Variants in SLC24A2 observed in about 807,000 individuals in gnomAD.
The protein encoded by SLC24A2 is sodium/potassium/calcium exchanger 2.
A neutral mutation model predicts 62.0 loss-of-function variants in SLC24A2; 36 were observed. The observed-to-expected ratio is 0.58, with a 90% CI of 0.44 to 0.77. The LOEUF (loss-of-function observed/expected upper bound fraction) is 0.77. Ranked by LOEUF, SLC24A2 falls within the 30% of genes least tolerant of loss-of-function variation. The pLI is 0.00. For missense variants in SLC24A2, 846 were observed against 817.9 expected (o/e 1.03, Z -0.42); for synonymous variants, 358 against 294.0 (o/e 1.22, Z -2.23).
chr9:19,823,157 T>C, the SLC24A2 span, among the ~76,000 whole-genome samples: 1 of 152,314 alleles, frequency 6.6e-6, no homozygotes, highest in East Asian at 1.9e-4. Context: ...TGGGCTATCT[T>C]AGCAGAACAC....
chr9:19,530,528 C>G (rs974423153), intron 8 of SLC24A2, among the ~76,000 whole-genome samples: 4 of 152,160 alleles, frequency 2.6e-5, no homozygotes, highest in African/African-American at 9.7e-5. Flanking sequence ...GATAACTTCA[C>G]AAGTCAGAAT....
chr9:19,921,231 A>G, the SLC24A2 span, among the ~76,000 whole-genome samples: 8 of 152,202 alleles, frequency 5.3e-5, no homozygotes, highest in Admixed American at 1.3e-4. Flanking sequence ...CTAAGAATTT[A>G]GAACTTACAT....
chr9:19,636,279 T>TTCTTCTCTTC (rs1486700882), intron 2 of SLC24A2, among the ~76,000 whole-genome samples: 5 of 54,908 alleles, frequency 9.1e-5, no homozygotes, highest in Non-Finnish European at 1.4e-4. Flanking sequence ...TCTTCTTCTC[T>TTCTTCTCTTC]TCTTCTCTTC....
chr9:19,989,698 A>C, the SLC24A2 span, among the ~76,000 whole-genome samples: 5 of 152,188 alleles, frequency 3.3e-5, no homozygotes, highest in South Asian at 1.0e-3. Flanking sequence ...CTTCTCTTGC[A>C]AAGGAACCTA....
the SLC24A2 span, among the ~76,000 whole-genome samples, chr9:19,873,274 CTCTT>C: frequency 5.3e-4 from 79 of 150,174 alleles, 1 homozygote; most frequent in South Asian, 3.2e-3. Flanking sequence ...TTTCTTTTCT[CTCTT>C]TCTTTCTTTC....
the SLC24A2 span, among the ~76,000 whole-genome samples, chr9:19,997,536 A>ACT: frequency 2.0e-5 from 3 of 151,948 alleles, no homozygotes. Flanking sequence ...CATTCAGCAC[A>ACT]CTCTCAGCAA....
the SLC24A2 span, among the ~76,000 whole-genome samples, chr9:20,158,216 G>A: frequency 6.6e-6 from 1 of 151,620 alleles, no homozygotes; most frequent in Admixed American, 6.6e-5. Flanking sequence ...CATAAATGAA[G>A]GATGAATTAT....
intron 7 of SLC24A2, among the ~76,000 whole-genome samples, chr9:19,558,018 T>G (rs1563962744): frequency 6.6e-6 from 1 of 152,072 alleles, no homozygotes; most frequent in Non-Finnish European, 1.5e-5. Context: ...AGATTTCACT[T>G]AGTTGCCCAG....
the SLC24A2 span, among the ~76,000 whole-genome samples, chr9:20,167,638 A>C: frequency 3.3e-5 from 5 of 152,050 alleles, no homozygotes; most frequent in African/African-American, 1.2e-4. Context: ...CTGCTAAAGC[A>C]GGCAAGGTAT....
At chr9:19,753,447 C>A (rs1201414351) in intron 2 of SLC24A2, among the ~76,000 whole-genome samples, 1 of 152,188 alleles carries the variant, frequency 6.6e-6, no homozygotes, top group Admixed American at 6.5e-5. Context: ...TTAACATTCC[C>A]AAATAGTTTG....
At chr9:20,004,248 A>G in the SLC24A2 span, among the ~76,000 whole-genome samples, 1 of 152,096 alleles carries the variant, frequency 6.6e-6, no homozygotes, top group Non-Finnish European at 1.5e-5. Flanking sequence ...TTAGCCTCCT[A>G]CCTTTGGAGG....
chr9:19,591,853 A>T (rs1469799396), intron 5 of SLC24A2, among the ~76,000 whole-genome samples: 6 of 152,238 alleles, frequency 3.9e-5, no homozygotes, highest in South Asian at 2.1e-4. Flanking sequence ...TCTGCTATAT[A>T]TAGCTAAAGC....
At chr9:19,829,322 T>A in the SLC24A2 span, among the ~76,000 whole-genome samples, 2 of 152,008 alleles carry the variant, frequency 1.3e-5, no homozygotes, top group African/African-American at 4.8e-5. Context: ...TGATATAGCT[T>A]CCCCCACTCA....
At chr9:19,916,718 T>G in the SLC24A2 span, among the ~76,000 whole-genome samples, 7 of 151,964 alleles carry the variant, frequency 4.6e-5, no homozygotes, top group African/African-American at 1.7e-4. Context: ...ATTATATGGA[T>G]GTATAATAGT....
At chr9:19,964,529 G>A in the SLC24A2 span, among the ~76,000 whole-genome samples, 1 of 152,178 alleles carries the variant, frequency 6.6e-6, no homozygotes, top group Non-Finnish European at 1.5e-5. Flanking sequence ...TCCTGCCTGG[G>A]CAAATGAAAG....
the SLC24A2 span, chr9:19,926,094 G>C: frequency 6.6e-6 from 1 of 152,166 alleles, no homozygotes; most frequent in Non-Finnish European, 1.5e-5. Flanking sequence ...CAGGCCATAA[G>C]GTAGCGATCT....
chr9:19,545,638 T>G (rs1280639719), intron 8 of SLC24A2, among the ~76,000 whole-genome samples: 1 of 151,270 alleles, frequency 6.6e-6, no homozygotes, highest in African/African-American at 2.5e-5. Context: ...ATTTTTTAGT[T>G]TTTTTTTCTT....
intron 9 of SLC24A2, among the ~76,000 whole-genome samples, chr9:19,525,711 T>C (rs1450145578): frequency 6.6e-6 from 1 of 151,558 alleles, no homozygotes; most frequent in Non-Finnish European, 1.5e-5. Flanking sequence ...GCCTGCAAGT[T>C]TTTACAAATG....
chr9:19,753,815 G>C (rs1822054602), intron 2 of SLC24A2, among the ~76,000 whole-genome samples: 2 of 152,166 alleles, frequency 1.3e-5, no homozygotes, highest in South Asian at 4.1e-4. Flanking sequence ...ATCGGACAGG[G>C]AGAGCACAGC....
Sources: allele counts gnomAD v4.1 joint callset (sites outside exome capture counted in the v4.1 genomes callset), GRCh38; gene constraint gnomAD v4.1.1; transcripts MANE v1.5; gene names NCBI Gene and HGNC (gene_info 2026-07-23, HGNC 2026-07-21).